The following PLA2G4A variants were observed in gnomAD, a reference collection of about 807,000 sequenced individuals.
PLA2G4A encodes the protein phospholipase A2 group IVA, also known as cytosolic phospholipase A2.
Under a neutral mutation model 81.9 loss-of-function variants are expected in PLA2G4A, and 40 were observed. That is an observed-to-expected ratio of 0.49 (90% CI 0.38 to 0.64). The LOEUF is 0.64. PLA2G4A is among the 30% of genes least tolerant of loss of function. The pLI, the probability that PLA2G4A is intolerant of heterozygous loss-of-function variation, is 0.00. For missense variants in PLA2G4A, 715 were observed against 905.1 expected, an observed-to-expected ratio of 0.79 and a Z score of 2.69; for synonymous variants, 302 against 296.9, an observed-to-expected ratio of 1.02 and a Z score of -0.18.
intron 15 of PLA2G4A, among the ~76,000 whole-genome samples, chr1:186,977,274 G>A (rs1049588708): frequency 6.6e-5 from 10 of 152,194 alleles, no homozygotes; most frequent in African/African-American, 2.2e-4. Flanking sequence ...CTTTCACATG[G>A]TTATAAATTC....
intron 14 of PLA2G4A, among the ~76,000 whole-genome samples, chr1:186,960,493 G>T (rs888399843): frequency 1.3e-5 from 2 of 152,150 alleles, no homozygotes; most frequent in African/African-American, 4.8e-5. Flanking sequence ...TTCCATAACG[G>T]CATTTATCCA....
rs1656153487 is a variant in PLA2G4A at position 186,941,475 on chromosome 1, G to T, written c.1033+1381G>T. Among the ~76,000 whole-genome samples, 6 of 152,248 alleles carry T rather than the reference G, an allele frequency of 3.9e-5. 1 individual carries two copies. The South Asian group carries it at 1.2e-3, about 32-fold the overall frequency. ...GGTTCAGAACGCACTTATCACATTT[G>T]CTATTTTATTCCATGTTTCCTACAA... On this transcript the variant is annotated intron_variant, in intron 10 of 17. Coordinates refer to ENST00000367466, the MANE Select transcript of PLA2G4A (RefSeq NM_024420.3).
chr1:186,949,550 A>G (rs1190775538), intron 12 of PLA2G4A, among the ~76,000 whole-genome samples: 7 of 152,136 alleles, frequency 4.6e-5, no homozygotes, highest in Non-Finnish European at 1.0e-4. Context: ...TAACAAAATT[A>G]CTATTGATGA....
rs146244986 is a variant in PLA2G4A, at chr1:186,898,115, A to G, written c.378+3904A>G. On this transcript the variant is annotated intron_variant, in intron 5 of 17. Coordinates refer to ENST00000367466, the MANE Select transcript of PLA2G4A (RefSeq NM_024420.3). ...TTCCAATTCCTCTCATTTTACAGATATGGAAGCTAAATGATAATAATGCAA... is the reference window on the plus strand; with the variant it reads ...TTCCAATTCCTCTCATTTTACAGATGTGGAAGCTAAATGATAATAATGCAA... 8.8e-4 allele frequency among the ~76,000 whole-genome samples: 134 copies of G among 152,266 alleles called. 1 individual carries two copies. The highest frequency in any genetic ancestry group is 2.1e-3 in the Admixed American group (32 of 15,296).
At position 186,938,930 on chromosome 1, in the gene PLA2G4A, C is replaced by A; in HGVS notation, c.696-78C>A. 3.8e-6 allele frequency: 3 copies of A among 799,586 alleles called. No homozygotes were observed. In the South Asian group the frequency reaches 4.1e-5, roughly 11 times the overall value. The allele number at this position is 799,586 out of a possible 1,614,324, so 49.5% of individuals were successfully genotyped here. ...AAATATGTCCACCATGCTTTATTTA[C>A]AGAGTGTGCCTTCTTTCTTTGGAGA... On this transcript the variant is annotated intron_variant, in intron 8 of 17. Transcript: ENST00000367466.
At position 186,946,737 on chromosome 1, in the gene PLA2G4A, T is replaced by G. The variant is rs1176104126; in HGVS notation, c.1134T>G (p.Val378=). ...GCAAATTTTTTATGGGAACAGTCGT[T>G]AAGAAGTATGAAGAAAACCCCTTGC... The part of the protein sequence containing the change: ...FGSKFFMGTV[V]KKYEENPLHF... Residue 378 remains valine, a synonymous_variant, in exon 11 of 18, where the codon GTT becomes GTG. Transcript: ENST00000367466. 6.2e-7 allele frequency: 1 copy of G among 1,612,208 alleles called. No individual in the cohort carries two copies. Among genetic ancestry groups the G allele is most frequent in the East Asian group, 2.2e-5 (1 of 44,850 alleles).
At chr1:186,849,951 T>G (rs1215826042) in intron 1 of PLA2G4A, among the ~76,000 whole-genome samples, 2 of 152,076 alleles carry the variant, frequency 1.3e-5, no homozygotes, top group Non-Finnish European at 2.9e-5. Context: ...GGGAAAGAGC[T>G]TGACACATTT....
chr1:186,888,644 C>T (rs183087223), intron 3 of PLA2G4A, among the ~76,000 whole-genome samples: 75 of 152,228 alleles, frequency 4.9e-4, no homozygotes, highest in Admixed American at 1.2e-3. Flanking sequence ...TTCCATAATC[C>T]GAATTTTCAG....
chr1:186,925,816 T>C (rs1363813804), intron 7 of PLA2G4A, among the ~76,000 whole-genome samples: 1 of 152,222 alleles, frequency 6.6e-6, no homozygotes, highest in Non-Finnish European at 1.5e-5. Flanking sequence ...ATTTATTTGG[T>C]GACTGTGACT....
intron 14 of PLA2G4A, among the ~76,000 whole-genome samples, chr1:186,957,065 T>A (rs1656779295): frequency 6.6e-6 from 1 of 151,618 alleles, no homozygotes; most frequent in Admixed American, 6.6e-5. Flanking sequence ...AGCACAATAA[T>A]CGCTTGAACC....
chr1:186,855,507 G>C (rs1444544630), intron 2 of PLA2G4A, among the ~76,000 whole-genome samples: 1 of 151,910 alleles, frequency 6.6e-6, no homozygotes, highest in South Asian at 2.1e-4. Context: ...CCATCACTCA[G>C]ATTATAAGTA....
At chr1:186,874,672 G>A (rs189975293) in intron 3 of PLA2G4A, among the ~76,000 whole-genome samples, 8 of 151,938 alleles carry the variant, frequency 5.3e-5, no homozygotes, top group Non-Finnish European at 1.0e-4. Context: ...AGGATTGCAG[G>A]TGGATCTAAC....
At chr1:186,944,299 C>T (rs1306802636) in intron 10 of PLA2G4A, among the ~76,000 whole-genome samples, 1 of 152,050 alleles carries the variant, frequency 6.6e-6, no homozygotes, top group Admixed American at 6.6e-5. Flanking sequence ...AAAACTAACA[C>T]CGTGAGTTCT....
chr1:186,931,178 T>G (rs1655731723), intron 7 of PLA2G4A, among the ~76,000 whole-genome samples: 1 of 152,264 alleles, frequency 6.6e-6, no homozygotes, highest in Non-Finnish European at 1.5e-5. Flanking sequence ...TTTTAAAATC[T>G]TTGTTTGAGA....
chr1:186,838,205 C>T (rs1318900590), intron 1 of PLA2G4A, among the ~76,000 whole-genome samples: 1 of 152,080 alleles, frequency 6.6e-6, no homozygotes, highest in Admixed American at 6.5e-5. Flanking sequence ...AACTAGCCTT[C>T]CAGGGTATGT....
At chr1:186,947,657 A>G (rs1656392502) in intron 12 of PLA2G4A, among the ~76,000 whole-genome samples, 1 of 152,146 alleles carries the variant, frequency 6.6e-6, no homozygotes, top group South Asian at 2.1e-4. Context: ...AAGCCTTGCC[A>G]CCTGTATTTT....
At chr1:186,835,238 G>A (rs1217527387) in intron 1 of PLA2G4A, among the ~76,000 whole-genome samples, 1 of 152,164 alleles carries the variant, frequency 6.6e-6, no homozygotes, top group Non-Finnish European at 1.5e-5. Flanking sequence ...AAACTGGGAT[G>A]TTCACCCCTT....
At chr1:186,870,765 T>C in intron 3 of PLA2G4A, 3 of 1,520,016 alleles carry the variant, frequency 2.0e-6, no homozygotes, top group Non-Finnish European at 2.7e-6. Flanking sequence ...CCTTATTTTC[T>C]TTGCTGTTAA....
intron 8 of PLA2G4A, among the ~76,000 whole-genome samples, chr1:186,934,485 A>G (rs2102208362): frequency 1.2e-5 from 1 of 81,702 alleles, no homozygotes; most frequent in East Asian, 3.7e-4. Flanking sequence ...GAGAGTAATT[A>G]AAAGGATTTT....
Sources: gnomAD v4.1 joint callset for allele counts (sites outside exome capture counted in the v4.1 genomes callset) on GRCh38, gnomAD v4.1.1 for gene constraint, MANE v1.5 for transcripts, NCBI Gene and HGNC (gene_info 2026-07-23, HGNC 2026-07-21) for gene names.